Variants in RAI1 observed in about 807,000 individuals in gnomAD.
RAI1 encodes retinoic acid-induced protein 1.
RAI1 carries 9 observed loss-of-function variants against 123.8 expected under a neutral mutation model. The ratio of observed to expected loss-of-function variants is 0.07; its 90% CI spans 0.04 to 0.13. RAI1 has a LOEUF of 0.13. RAI1 is among the 10% of genes least tolerant of loss of function. The pLI, the probability that RAI1 is intolerant of heterozygous loss-of-function variation, is 1.00. For synonymous variants in RAI1, 1,231 were observed against 1,127.3 expected, an observed-to-expected ratio of 1.09 and a Z score of -1.84; for missense variants, 2,256 against 2,545.8, an observed-to-expected ratio of 0.89 and a Z score of 2.45.
rs778915789 is a variant in RAI1 at position 17,794,803 on chromosome 17, G to A, written c.1855G>A (p.Gly619Ser). 3.0e-5 allele frequency: 49 copies of A among 1,612,986 alleles called. No individual in the cohort carries two copies. The highest frequency in any genetic ancestry group is 3.9e-5 in the Non-Finnish European group (46 of 1,180,022). ...SEILGLQEAI[G>S]EKADKAWAEA... ...GATCCTGGGGCTGCAGGAAGCCATCGGTGAGAAGGCCGACAAAGCTTGGGC... is the reference window on the plus strand; with the variant it reads ...GATCCTGGGGCTGCAGGAAGCCATCAGTGAGAAGGCCGACAAAGCTTGGGC... Residue 619 changes from glycine (G) to serine (S), a missense_variant, in exon 3 of 6, where the codon GGT (glycine) becomes AGT (serine). This residue lies in a region of RAI1 where 357 missense variants were observed against 480.2 expected (regional missense o/e 0.74). Coordinates refer to ENST00000353383, the MANE Select transcript of RAI1 (RefSeq NM_030665.4).
rs767071233 is a variant in RAI1 at position 17,796,797 on chromosome 17, G to A, written c.3849G>A (p.Lys1283=). 489 of 1,611,788 alleles carry A rather than the reference G, an allele frequency of 3.0e-4. No homozygotes were observed. The highest frequency in any genetic ancestry group is 4.0e-4 in the Non-Finnish European group (468 of 1,178,960). ...MSSPKKAKPT[K]GNGEPATKLP... The stretch of plus-strand genomic sequence containing the variant: ...CTCCCAAGAAAGCCAAGCCCACCAA[G>A]GGCAATGGCGAGCCTGCCACAAAGC... The change falls in exon 3 of 6, where the codon AAG becomes AAA. Residue 1283 remains lysine, a synonymous_variant. Transcript: ENST00000353383. This position sits in a 1 kb window ranked among gnomAD's most constrained non-coding sequence, Gnocchi z 5.8.
intron 1 of RAI1, among the ~76,000 whole-genome samples, chr17:17,697,689 T>C (rs1485227912): frequency 1.3e-5 from 2 of 151,974 alleles, no homozygotes; most frequent in Non-Finnish European, 2.9e-5. Context: ...AAAAAGTGAG[T>C]TGGGGTTTGT....
chr17:17,805,358 G>A (rs371742928), intron 4 of RAI1, among the ~76,000 whole-genome samples: 15 of 151,594 alleles, frequency 9.9e-5, no homozygotes, highest in African/African-American at 2.9e-4. Flanking sequence ...CTCCCCACAC[G>A]GTGCTGCCTC....
chr17:17,687,201 C>A (rs1466634083), intron 1 of RAI1, among the ~76,000 whole-genome samples: 1 of 152,042 alleles, frequency 6.6e-6, no homozygotes, highest in Non-Finnish European at 1.5e-5. Context: ...GAGAAGGTGC[C>A]CAGAATGCTG....
At chr17:17,806,381 T>G (rs1332009489) in intron 4 of RAI1, among the ~76,000 whole-genome samples, 1 of 152,186 alleles carries the variant, frequency 6.6e-6, no homozygotes, top group Non-Finnish European at 1.5e-5. Flanking sequence ...GGAAAGGGAC[T>G]GGGAATGCTG....
chr17:17,798,118 C>A lies in RAI1; in HGVS notation c.5170C>A (p.Arg1724=). The change falls in exon 3 of 6, where the codon CGG becomes AGG. Residue 1724 remains arginine, a synonymous_variant. Coordinates refer to ENST00000353383, the MANE Select transcript of RAI1 (RefSeq NM_030665.4). ...KKKPKLKEKV[R]PEGTCEEASL... ...GAAGCCAAAACTCAAGGAGAAGGTG[C>A]GGCCAGAAGGCACCTGTGAGGAGGC... 1.9e-6 allele frequency: 3 copies of A among 1,613,870 alleles called. No homozygotes were observed. Among genetic ancestry groups the A allele is most frequent in the Non-Finnish European group, 2.5e-6 (3 of 1,180,040 alleles).
intron 2 of RAI1, among the ~76,000 whole-genome samples, chr17:17,774,030 CA>C (rs1300430392): frequency 6.6e-6 from 1 of 152,150 alleles, no homozygotes; most frequent in East Asian, 1.9e-4. Flanking sequence ...CTGCCACTTA[CA>C]AGCTGTGTGA....
intron 2 of RAI1, among the ~76,000 whole-genome samples, chr17:17,752,630 C>T (rs1314309782): frequency 6.6e-6 from 1 of 152,248 alleles, no homozygotes; most frequent in Non-Finnish European, 1.5e-5. Context: ...GCCCCCTAAT[C>T]CTCATCCGGC....
chr17:17,739,721 T>C (rs1411100226), intron 2 of RAI1, among the ~76,000 whole-genome samples: 1 of 152,198 alleles, frequency 6.6e-6, no homozygotes, highest in African/African-American at 2.4e-5. Context: ...TGAGGTCTTA[T>C]GCCACCACTC....
intron 2 of RAI1, among the ~76,000 whole-genome samples, chr17:17,760,278 A>G (rs1388733559): frequency 6.6e-6 from 1 of 152,154 alleles, no homozygotes; most frequent in Non-Finnish European, 1.5e-5. Flanking sequence ...CTCCTAGCCA[A>G]AGAAGTTGGG....
rs888636463 is a variant in RAI1 at position 17,809,630 on chromosome 17, G to A, written c.5709+191G>A. 6.6e-6 allele frequency among the ~76,000 whole-genome samples: 1 copy of A among 152,032 alleles called. No individual in the cohort carries two copies. The highest frequency in any genetic ancestry group is 2.1e-4 in the South Asian group (1 of 4,838). Reference sequence around the variant, plus strand: ...GTCCAGCTCAGGTCCCTGTCCACTTGCGCGCCGCCGCCGCCGAAAACCCGC... The same window carrying A: ...GTCCAGCTCAGGTCCCTGTCCACTTACGCGCCGCCGCCGCCGAAAACCCGC... On this transcript the variant is annotated intron_variant, in intron 5 of 5. Transcript: ENST00000353383. The surrounding 1 kb of genome is among the most constrained non-coding windows in gnomAD (Gnocchi z 4.9).
chr17:17,740,588 T>C (rs1421498494), intron 2 of RAI1, among the ~76,000 whole-genome samples: 1 of 152,088 alleles, frequency 6.6e-6, no homozygotes, highest in African/African-American at 2.4e-5. Context: ...AGAGAGTGAA[T>C]GAATTTGCCC....
Position 17,750,689 on chromosome 17 carries a change from CAAAAAAAAAAAAAAAA to C in RAI1, c.-17+26539_-17+26554del, listed in dbSNP as rs57637022. Among the ~76,000 whole-genome samples, 251 of 79,804 alleles carry C rather than the reference CAAAAAAAAAAAAAAAA, an allele frequency of 3.1e-3. 3 individuals are homozygous for C. Among genetic ancestry groups the C allele is most frequent in the Non-Finnish European group, 3.0e-3 (133 of 43,774 alleles). 52.4% of individuals were successfully genotyped at this position (79,804 alleles called of 152,430 possible). On this transcript the variant is annotated intron_variant, in intron 2 of 5. Transcript: ENST00000353383. The stretch of plus-strand genomic sequence containing the variant: ...GAGATTGCACCATTGTACTCCGTCT[CAAAAAAAAAAAAAAAA>C]AAAAAAAAGAAAAGAAACACATGAT...
At chr17:17,758,890 G>C (rs1281222470) in intron 2 of RAI1, among the ~76,000 whole-genome samples, 4 of 152,158 alleles carry the variant, frequency 2.6e-5, no homozygotes, top group Non-Finnish European at 4.4e-5. Context: ...GCTGACAGGT[G>C]GATTACAGGC....
intron 2 of RAI1, among the ~76,000 whole-genome samples, chr17:17,784,452 G>C (rs369713026): frequency 1.3e-5 from 2 of 152,338 alleles, no homozygotes; most frequent in East Asian, 3.9e-4. Flanking sequence ...AGCTGTAGAC[G>C]GATCTCAGCC....
chr17:17,756,718 G>T (rs2030451941), intron 2 of RAI1, among the ~76,000 whole-genome samples: 1 of 152,166 alleles, frequency 6.6e-6, no homozygotes, highest in Non-Finnish European at 1.5e-5. Flanking sequence ...GAACAAAATA[G>T]ACCAAAAATC....
chr17:17,694,251 G>A (rs1241679620), intron 1 of RAI1, among the ~76,000 whole-genome samples: 1 of 152,170 alleles, frequency 6.6e-6, no homozygotes, highest in East Asian at 1.9e-4. Context: ...ACGGATGCCT[G>A]GGGTGTAGGT....
chr17:17,749,891 G>C (rs2142981485), intron 2 of RAI1, among the ~76,000 whole-genome samples: 1 of 152,382 alleles, frequency 6.6e-6, no homozygotes, highest in South Asian at 2.1e-4. Context: ...GAGCAAATGA[G>C]TGAATGGATA....
intron 2 of RAI1, among the ~76,000 whole-genome samples, chr17:17,782,977 T>G (rs556166307): frequency 1.3e-5 from 2 of 152,112 alleles, no homozygotes; most frequent in South Asian, 4.1e-4. Flanking sequence ...TTTATCATCA[T>G]CTTTGGTCAA....
Sources: gnomAD v4.1 joint callset for allele counts (sites outside exome capture counted in the v4.1 genomes callset) on GRCh38, gnomAD v4.1.1 for gene constraint, gnomAD v4.1.1 regional missense constraint, Gnocchi (gnomAD v3.1) non-coding constraint, MANE v1.5 for transcripts, NCBI Gene and HGNC (gene_info 2026-07-23, HGNC 2026-07-21) for gene names.